Variants in TXNDC12 observed in about 807,000 individuals in gnomAD.
The protein encoded by TXNDC12 is thioredoxin domain containing 12.
In TXNDC12, 22 loss-of-function variants were observed where a neutral mutation model predicts 24.2. The observed-to-expected ratio is 0.91, with a 90% CI of 0.65 to 1.30. The LOEUF (loss-of-function observed/expected upper bound fraction) is 1.30, where lower values mean the gene tolerates loss of function less well. Ranked by LOEUF, TXNDC12 falls within the 50% of genes most tolerant of loss-of-function variation. The pLI, the probability that TXNDC12 is intolerant of heterozygous loss-of-function variation, is 0.00. For synonymous variants in TXNDC12, 58 were observed against 73.4 expected, an observed-to-expected ratio of 0.79 and a Z score of 1.07; for missense variants, 184 against 205.8, an observed-to-expected ratio of 0.89 and a Z score of 0.65.
Position 52,047,508 on chromosome 1 carries a change from C to T in TXNDC12, c.98-5911G>A, listed in dbSNP as rs117956241. 5.9e-4 allele frequency among the ~76,000 whole-genome samples: 90 copies of T among 152,212 alleles called. No individual in the cohort carries two copies. In the East Asian group the frequency reaches 0.016, roughly 27 times the overall value. Reference sequence around the variant, plus strand: ...ATGATCCCAGAGGAAGGCCTAGATACAAAGAATAGTGAGCAAATAAACCAG... The same window carrying T: ...ATGATCCCAGAGGAAGGCCTAGATATAAAGAATAGTGAGCAAATAAACCAG... On this transcript the variant is annotated intron_variant, in intron 1 of 6. Transcript: ENST00000371626.
intron 2 of TXNDC12, among the ~76,000 whole-genome samples, chr1:52,029,710 A>G (rs531009799): frequency 8.5e-5 from 13 of 152,316 alleles, no homozygotes; most frequent in African/African-American, 3.1e-4. Flanking sequence ...GATAGCAAAC[A>G]CTTATATACC....
intron 2 of TXNDC12, among the ~76,000 whole-genome samples, chr1:52,029,907 T>C (rs1685726045): frequency 1.3e-5 from 2 of 152,188 alleles, no homozygotes; most frequent in African/African-American, 4.8e-5. Flanking sequence ...AGGATATAGG[T>C]AACCATAATA....
rs1685583174 is a variant in TXNDC12 at position 52,020,722 on chromosome 1, GAAGA to G, written c.*207_*210del. The G allele has an allele frequency of 2.0e-6, 1 of 503,558 alleles. No homozygotes were observed. The highest frequency in any genetic ancestry group is 3.1e-5 in the East Asian group (1 of 31,802). 31.2% of individuals were successfully genotyped at this position (503,558 alleles called of 1,614,324 possible). A position where few individuals can be genotyped will look rare whatever the true frequency, so the allele number is the denominator to read the frequency against. On this transcript the variant is annotated 3_prime_UTR_variant, in exon 7 of 7. Transcript: ENST00000371626. Reference sequence around the variant, plus strand: ...GACATTTAGGTGAGAGGGAAAAGGAGAAGAAAGTCTGCCACTCTCCGCTGGATCC... The same window carrying G: ...GACATTTAGGTGAGAGGGAAAAGGAGAAGTCTGCCACTCTCCGCTGGATCC...
chr1:52,047,541 G>T (rs1686121222), intron 1 of TXNDC12, among the ~76,000 whole-genome samples: 1 of 152,166 alleles, frequency 6.6e-6, no homozygotes, highest in Non-Finnish European at 1.5e-5. Context: ...CAGCAAACAT[G>T]TAGATAAATA....
At chr1:52,022,829 C>T (rs1461800834) in intron 6 of TXNDC12, among the ~76,000 whole-genome samples, 4 of 151,894 alleles carry the variant, frequency 2.6e-5, no homozygotes, top group African/African-American at 7.3e-5. Flanking sequence ...TTAGTAGAGA[C>T]GGGGTTTCAC....
At chr1:52,026,872 TTAAAAATA>T (rs1286777402) in intron 4 of TXNDC12, among the ~76,000 whole-genome samples, 1 of 151,908 alleles carries the variant, frequency 6.6e-6, no homozygotes, top group East Asian at 1.9e-4. Flanking sequence ...CCCATCTCTA[TTAAAAATA>T]TAAAAATTAG....
In TXNDC12 at chr1:52,032,664, C is replaced by G. The variant is rs761017257; in HGVS notation, c.159-4034G>C. 2 of 1,554,022 alleles carry G rather than the reference C, an allele frequency of 1.3e-6. 1 individual carries two copies. The highest frequency in any genetic ancestry group is 2.5e-5 in the South Asian group (2 of 80,290). On this transcript the variant is annotated intron_variant, in intron 2 of 6. Transcript: ENST00000371626. The stretch of plus-strand genomic sequence containing the variant: ...CAGAGAAATAAAGTGGAGTGGAGAT[C>G]AGAAGCCATGGCTTCCCCCCTACCT...
At chr1:52,042,150 A>C (rs1255439447) in intron 1 of TXNDC12, among the ~76,000 whole-genome samples, 1 of 152,236 alleles carries the variant, frequency 6.6e-6, no homozygotes, top group Non-Finnish European at 1.5e-5. Context: ...AAATGAAGTA[A>C]GTATTTAAAG....
Position 52,033,033 on chromosome 1 carries a change from C to T in TXNDC12, c.159-4403G>A, listed in dbSNP as rs534547542. On this transcript the variant is annotated intron_variant, in intron 2 of 6. Transcript: ENST00000371626. ...GGTTCTCAAACAGGGCAGAGCGGATCCCCGCCAGGGGCAACGGCTCCTCTA... is the reference window on the plus strand; with the variant it reads ...GGTTCTCAAACAGGGCAGAGCGGATTCCCGCCAGGGGCAACGGCTCCTCTA... 6 of 1,574,244 alleles carry T rather than the reference C, an allele frequency of 3.8e-6. No individual in the cohort carries two copies. In the South Asian group the frequency reaches 6.0e-5, roughly 16 times the overall value.
intron 2 of TXNDC12, among the ~76,000 whole-genome samples, chr1:52,038,406 G>T (rs1466022396): frequency 1.3e-5 from 2 of 151,768 alleles, no homozygotes; most frequent in Non-Finnish European, 2.9e-5. Flanking sequence ...CGCCTCCCAG[G>T]CTCAAGCGAT....
At chr1:52,038,685 TAGATC>T (rs1230858756) in intron 2 of TXNDC12, among the ~76,000 whole-genome samples, 1 of 152,204 alleles carries the variant, frequency 6.6e-6, no homozygotes, top group Non-Finnish European at 1.5e-5. Flanking sequence ...ACTCCAGCTT[TAGATC>T]CTTCACCTTC....
intron 2 of TXNDC12, among the ~76,000 whole-genome samples, chr1:52,036,156 A>G (rs531072867): frequency 1.8e-4 from 28 of 152,222 alleles, no homozygotes; most frequent in African/African-American, 6.3e-4. Flanking sequence ...ATCAGCATAT[A>G]CCTTTTGACT....
chr1:52,044,564 C>T (rs1686052823), intron 1 of TXNDC12, among the ~76,000 whole-genome samples: 2 of 152,174 alleles, frequency 1.3e-5, no homozygotes, highest in South Asian at 4.1e-4. Flanking sequence ...ATTTTGATCC[C>T]TGAGGAATTC....
rs1685586638 is a variant in TXNDC12 at position 52,020,923 on chromosome 1, C to T, written c.*10G>A. On this transcript the variant is annotated 3_prime_UTR_variant, in exon 7 of 7. Transcript: ENST00000371626. ...ACACTAACTCTGATGAAAGAAGGGG[C>T]ACATTCATGTTACAATTCATCTTCA... is the stretch of plus-strand genomic sequence containing the variant. 1 of 1,607,554 alleles carries T rather than the reference C, an allele frequency of 6.2e-7. No individual in the cohort carries two copies. Among genetic ancestry groups the T allele is most frequent in the Non-Finnish European group, 8.5e-7 (1 of 1,174,010 alleles).
chr1:52,038,456 A>G (rs1487915167), intron 2 of TXNDC12, among the ~76,000 whole-genome samples: 3 of 151,960 alleles, frequency 2.0e-5, no homozygotes, highest in Non-Finnish European at 2.9e-5. Flanking sequence ...GATTATAGGC[A>G]TGGACCACTA....
chr1:52,049,908 G>A (rs1372050007), intron 1 of TXNDC12, among the ~76,000 whole-genome samples: 1 of 152,094 alleles, frequency 6.6e-6, no homozygotes, highest in East Asian at 1.9e-4. Flanking sequence ...AATTTATTAT[G>A]TGCCAGGTAC....
intron 1 of TXNDC12, among the ~76,000 whole-genome samples, chr1:52,044,527 C>T (rs1280739730): frequency 1.3e-5 from 2 of 152,144 alleles, no homozygotes; most frequent in Admixed American, 6.5e-5. Context: ...GAAAAGAAGT[C>T]GCCACAAGAA....
chr1:52,052,509 T>TC (rs1686233055), intron 1 of TXNDC12: 1 of 169,644 alleles, frequency 5.9e-6, no homozygotes, highest in Non-Finnish European at 1.5e-5. Flanking sequence ...GAATCCAGCC[T>TC]CCCATAAAGC....
chr1:52,038,115 A>G (rs1008714976), intron 2 of TXNDC12, among the ~76,000 whole-genome samples: 1 of 151,886 alleles, frequency 6.6e-6, no homozygotes, highest in Non-Finnish European at 1.5e-5. Context: ...TTTTGTAGAG[A>G]CAGAGTTTCC....
Sources: allele counts gnomAD v4.1 joint callset (sites outside exome capture counted in the v4.1 genomes callset), GRCh38; gene constraint gnomAD v4.1.1; transcripts MANE v1.5; gene names NCBI Gene and HGNC (gene_info 2026-07-23, HGNC 2026-07-21).